Variants in PTK2 observed in about 807,000 individuals in gnomAD.
The protein encoded by PTK2 is protein tyrosine kinase 2, also known as focal adhesion kinase 1.
In PTK2, 45 loss-of-function variants were observed where a neutral mutation model predicts 150.1. The ratio of observed to expected loss-of-function variants is 0.30; its 90% CI spans 0.24 to 0.38. The LOEUF (loss-of-function observed/expected upper bound fraction) is 0.38. PTK2 is among the 10% of genes least tolerant of loss of function. The probability of loss-of-function intolerance (pLI) is 1.00; values close to 1 mark genes in which losing one functional copy is unlikely to be tolerated. For missense variants in PTK2, 919 were observed against 1,307.3 expected (o/e 0.70, Z 4.58); for synonymous variants, 432 against 449.2 (o/e 0.96, Z 0.48).
intron 19 of PTK2, among the ~76,000 whole-genome samples, chr8:140,744,068 C>CGGTGGCTCGT (rs1264913871): frequency 1.7e-4 from 7 of 40,790 alleles, no homozygotes; most frequent in African/African-American, 8.8e-4. Context: ...TGAGCCACCG[C>CGGTGGCTCGT]GCCCGGCCTA....
chr8:140,963,527 A>G (rs2100184150), intron 1 of PTK2, among the ~76,000 whole-genome samples: 1 of 152,158 alleles, frequency 6.6e-6, no homozygotes, highest in Non-Finnish European at 1.5e-5. Context: ...TGTTGCAAAA[A>G]CAAAAACAAA....
chr8:140,722,951 T>C (rs1294164525), intron 22 of PTK2, among the ~76,000 whole-genome samples: 1 of 152,206 alleles, frequency 6.6e-6, no homozygotes, highest in Non-Finnish European at 1.5e-5. Flanking sequence ...GGCAATGTTA[T>C]TTCACACAGA....
intron 22 of PTK2, among the ~76,000 whole-genome samples, chr8:140,727,178 T>C (rs1208961973): frequency 6.6e-6 from 1 of 152,192 alleles, no homozygotes; most frequent in Non-Finnish European, 1.5e-5. Context: ...AATTGTGCAC[T>C]TTGGCAAATT....
chr8:140,706,169 C>T, exon 24 of PTK2: 9 of 1,613,586 alleles, frequency 5.6e-6, no homozygotes, highest in South Asian at 1.1e-5. Context: ...TAAAATCCTT[C>T]GCTGGACCTC....
chr8:140,778,353 A>G (rs1051794892), intron 14 of PTK2, among the ~76,000 whole-genome samples: 1 of 152,246 alleles, frequency 6.6e-6, no homozygotes, highest in Admixed American at 6.5e-5. Context: ...CAGGAGGCTA[A>G]GGCACAAGAA....
chr8:140,720,373 T>C (rs905368001), intron 22 of PTK2, among the ~76,000 whole-genome samples: 1 of 152,116 alleles, frequency 6.6e-6, no homozygotes, highest in Admixed American at 6.6e-5. Flanking sequence ...CATGATCTAT[T>C]AGATGTTTAA....
intron 21 of PTK2, among the ~76,000 whole-genome samples, chr8:140,737,444 T>C (rs1592944687): frequency 6.6e-6 from 1 of 152,180 alleles, no homozygotes; most frequent in East Asian, 1.9e-4. Context: ...TTATGTTTCT[T>C]TAAACACTGC....
At chr8:140,921,131 A>G (rs377053003) in intron 2 of PTK2, 51 of 1,268,320 alleles carry the variant, frequency 4.0e-5, no homozygotes, top group Non-Finnish European at 4.9e-5. Context: ...TGCTTCCGCA[A>G]TCTGAAACAC....
intron 12 of PTK2, among the ~76,000 whole-genome samples, chr8:140,798,233 AT>A (rs891622330): frequency 1.3e-5 from 2 of 152,208 alleles, no homozygotes; most frequent in African/African-American, 4.8e-5. Flanking sequence ...CAATTAAAAA[AT>A]GTACATGTGC....
rs1476290138 is a variant in PTK2, at chr8:140,843,751, A to C, written c.593+2509T>G. ...GTTTTAGATTTACAAAAGAGTTACA[A>C]AGAGAGTATCCTGTATAGTCCACAC... On this transcript the variant is annotated intron_variant, in intron 7 of 31. Transcript: ENST00000522684. Among the ~76,000 whole-genome samples, 8 of 152,192 alleles carry C rather than the reference A, an allele frequency of 5.3e-5. No homozygotes were observed. The East Asian group carries it at 1.5e-3, about 29-fold the overall frequency.
chr8:140,713,983 G>A (rs1172884911), intron 23 of PTK2, among the ~76,000 whole-genome samples: 2 of 152,104 alleles, frequency 1.3e-5, no homozygotes, highest in Non-Finnish European at 2.9e-5. Flanking sequence ...AGACCTCCTG[G>A]GCTCAAACGA....
In PTK2 at chr8:140,999,795, G is replaced by GT. The variant is rs202245289; in HGVS notation, c.-122+1329dup. 4.3e-3 allele frequency among the ~76,000 whole-genome samples: 660 copies of GT among 152,158 alleles called. 4 individuals are homozygous for GT. Among genetic ancestry groups the GT allele is most frequent in the African/African-American group, 0.015 (623 of 41,508 alleles). On this transcript the variant is annotated intron_variant, in intron 1 of 31. Coordinates refer to ENST00000522684, the Ensembl canonical transcript of PTK2. Reference sequence around the variant, plus strand: ...ATTTCATTTCAAATAGTACTGGTCTGTTTTTCCAGCCATGAAAACGTTTAC... The same window carrying GT: ...ATTTCATTTCAAATAGTACTGGTCTGTTTTTTCCAGCCATGAAAACGTTTAC...
intron 2 of PTK2, among the ~76,000 whole-genome samples, chr8:140,915,033 CAA>C (rs10661609): frequency 1.9e-5 from 1 of 53,080 alleles, no homozygotes. Context: ...AACTCCAACT[CAA>C]AAAAAAAAAA....
chr8:140,915,076 T>G (rs1042733339), intron 2 of PTK2, among the ~76,000 whole-genome samples: 1 of 146,818 alleles, frequency 6.8e-6, no homozygotes, highest in Non-Finnish European at 1.5e-5. Context: ...TCTTAGGCAC[T>G]GGGAATGCAG....
intron 30 of PTK2, among the ~76,000 whole-genome samples, chr8:140,667,074 T>TA (rs2092565789): frequency 6.6e-6 from 1 of 151,992 alleles, no homozygotes; most frequent in Admixed American, 6.6e-5. Flanking sequence ...AGTCAATTCA[T>TA]AGAGATAGCA....
At chr8:140,711,733 A>C (rs2100036989) in intron 23 of PTK2, among the ~76,000 whole-genome samples, 1 of 152,220 alleles carries the variant, frequency 6.6e-6, no homozygotes, top group Admixed American at 6.5e-5. Flanking sequence ...GTGAGTCCAC[A>C]AACAGGTGTA....
intron 26 of PTK2, among the ~76,000 whole-genome samples, chr8:140,697,866 T>G (rs1322695125): frequency 1.0e-4 from 14 of 136,590 alleles, no homozygotes; most frequent in African/African-American, 2.7e-4. Flanking sequence ...TTTTTTTTTT[T>G]TTTTTTTTTT....
intron 1 of PTK2, among the ~76,000 whole-genome samples, chr8:140,944,307 T>A (rs940839622): frequency 3.3e-5 from 5 of 152,206 alleles, no homozygotes. Flanking sequence ...GACTGATACA[T>A]TTTAAAAGGA....
chr8:140,881,833 T>C (rs2100149260), intron 3 of PTK2, among the ~76,000 whole-genome samples: 1 of 152,164 alleles, frequency 6.6e-6, no homozygotes, highest in Non-Finnish European at 1.5e-5. Flanking sequence ...AGCCCAGAAC[T>C]GTGGTATCTG....
Sources: gnomAD v4.1 joint callset for allele counts (sites outside exome capture counted in the v4.1 genomes callset) on GRCh38, gnomAD v4.1.1 for gene constraint, MANE v1.5 for transcripts, NCBI Gene and HGNC (gene_info 2026-07-23, HGNC 2026-07-21) for gene names.